The following DDX46 variants were observed in gnomAD, a reference collection of about 807,000 sequenced individuals.
DDX46 encodes DEAD-box helicase 46.
In DDX46, 30 loss-of-function variants were observed where a neutral mutation model predicts 134.9. The observed-to-expected ratio is 0.22, with a 90% confidence interval of 0.17 to 0.30. DDX46 has a LOEUF of 0.30. Ranked by LOEUF, DDX46 falls within the 10% of genes least tolerant of loss-of-function variation. DDX46 has a pLI of 1.00. For missense variants in DDX46, 622 were observed against 1,248.7 expected (o/e 0.50, Z 7.56); for synonymous variants, 415 against 404.1 (o/e 1.03, Z -0.32).
chr5:134,811,461 T>C (rs1039517857), intron 17 of DDX46, 103 bp downstream of exon 17: 39 of 1,442,456 alleles, frequency 2.7e-5, no homozygotes, highest in Non-Finnish European at 1.9e-6. Context: ...AAAATTTTGC[T>C]ACGACTATTT....
intron 20 of DDX46, 76 bp downstream of exon 20, chr5:134,817,790 C>T (rs1004619518): frequency 3.2e-6 from 4 of 1,256,432 alleles, no homozygotes; most frequent in Non-Finnish European, 4.4e-6. Context: ...ATCTTTAAAA[C>T]CCATGAACAT....
chr5:134,775,544 G>GGGATTACAGGTGTACACC (rs1185225128), intron 5 of DDX46, among the ~76,000 whole-genome samples: 2 of 151,992 alleles, frequency 1.3e-5, no homozygotes, highest in Admixed American at 1.3e-4. Context: ...CTGAGTAGCT[G>GGGATTACAGGTGTACACC]GGATTACAGG....
chr5:134,798,749 A>G (rs1372768660), intron 15 of DDX46, among the ~76,000 whole-genome samples: 1 of 151,940 alleles, frequency 6.6e-6, no homozygotes, highest in Non-Finnish European at 1.5e-5. Context: ...TCTTTTTGTG[A>G]CTGGTCTTTT....
At position 134,816,744 on chromosome 5, in the gene DDX46, A is replaced by AT. The variant is rs35855916; in HGVS notation, c.2613+144dup. The AT allele has an allele frequency of 7.4e-5, 63 of 850,926 alleles. No homozygotes were observed. In the South Asian group the frequency reaches 1.1e-3, roughly 15 times the overall value. 52.7% of individuals were successfully genotyped at this position (850,926 alleles called of 1,614,324 possible). The stretch of plus-strand genomic sequence containing the variant: ...GAGAATTTAACATTCTCAATACAGA[A>AT]TTTTTTGATAATTGCATTTGGATGA... On this transcript the variant is annotated intron_variant, in intron 19 of 22. Coordinates refer to ENST00000452510, the MANE Select transcript of DDX46 (RefSeq NM_001300860.2).
intron 15 of DDX46, chr5:134,804,931 T>G: frequency 2.9e-6 from 1 of 340,670 alleles, no homozygotes; most frequent in African/African-American, 2.1e-5. Context: ...GTTTTGGACA[T>G]TCACGTAACA....
intron 2 of DDX46, among the ~76,000 whole-genome samples, 183 bp downstream of exon 2, chr5:134,764,275 G>A (rs893277521): frequency 1.1e-4 from 15 of 141,468 alleles, no homozygotes; most frequent in African/African-American, 3.9e-4. Flanking sequence ...ATCAAACAGT[G>A]TTTTTTTTTT....
In DDX46 at chr5:134,817,621, G is replaced by A. The variant is rs146021738; in HGVS notation, c.2739G>A (p.Pro913=). Residue 913 remains proline, a synonymous_variant, in exon 20 of 23, where the codon CCG becomes CCA. Coordinates refer to ENST00000452510, the MANE Select transcript of DDX46 (RefSeq NM_001300860.2). The part of the protein sequence containing the change: ...EKINAKLNYV[P]LEKQEEERQD... Reference sequence around the variant, plus strand: ...TCAATGCCAAGCTCAATTATGTGCCGTTAGAGAAACAAGAAGAAGAGAGAC... The same window carrying A: ...TCAATGCCAAGCTCAATTATGTGCCATTAGAGAAACAAGAAGAAGAGAGAC... 777 of 1,614,104 alleles carry A rather than the reference G, an allele frequency of 4.8e-4. No individual in the cohort carries two copies. The highest frequency in any genetic ancestry group is 5.8e-4 in the Non-Finnish European group (688 of 1,180,024).
chr5:134,782,018 T>C lies in DDX46; in HGVS notation c.977T>C (p.Ile326Thr). The change falls in exon 8 of 23, where the codon ATT (isoleucine) becomes ACT (threonine). Residue 326 changes from isoleucine to threonine, a missense_variant. Coordinates refer to ENST00000452510, the MANE Select transcript of DDX46 (RefSeq NM_001300860.2). ...CTAGAACCAGTTGATCATGGAAAAA[T>C]TGAGTATGAGCCATTTAGGAAAAAC... ...KLLEPVDHGK[I>T]EYEPFRKNFY... 2 of 1,609,030 alleles carry C rather than the reference T, an allele frequency of 1.2e-6. No homozygotes were observed. Among genetic ancestry groups the C allele is most frequent in the South Asian group, 1.1e-5 (1 of 90,302 alleles).
In DDX46 at chr5:134,781,162, C is replaced by T; in HGVS notation, c.795C>T (p.Val265=). Reference sequence around the variant, plus strand: ...CTGGGCCAACGGTCACAAAAGTTGTCACTGTTGTGACAACCAAAAAAGCAG... The same window carrying T: ...CTGGGCCAACGGTCACAAAAGTTGTTACTGTTGTGACAACCAAAAAAGCAG... ...KKSGPTVTKV[V]TVVTTKKAVV... The change falls in exon 7 of 23, where the codon GTC becomes GTT. Residue 265 remains valine, a synonymous_variant. Transcript: ENST00000452510. 1.3e-6 allele frequency: 2 copies of T among 1,588,280 alleles called. No homozygotes were observed. Among genetic ancestry groups the T allele is most frequent in the South Asian group, 2.3e-5 (2 of 85,332 alleles).
At chr5:134,793,030 G>A (rs1271181100) in intron 13 of DDX46, among the ~76,000 whole-genome samples, 1 of 152,016 alleles carries the variant, frequency 6.6e-6, no homozygotes, top group Non-Finnish European at 1.5e-5. Context: ...GGGGGCATGC[G>A]CCTATCGTCC....
At chr5:134,811,613 C>A in intron 17 of DDX46, 83 bp from the exon 18 acceptor site, 1 of 1,432,514 alleles carries the variant, frequency 7.0e-7, no homozygotes, top group Admixed American at 2.4e-5. Flanking sequence ...ACATACACCA[C>A]CTTGAAAAAT....
In DDX46 at chr5:134,828,922, A is replaced by T; in HGVS notation, c.*216A>T. The T allele has an allele frequency of 2.8e-6, 1 of 353,372 alleles. No homozygotes were observed. The highest frequency in any genetic ancestry group is 5.1e-6 in the Non-Finnish European group (1 of 197,800). 21.9% of individuals were successfully genotyped at this position (353,372 alleles called of 1,614,324 possible). ...AAAGCCAGCCTGTTTTCAGAGTATG[A>T]TGTCCTTTAATGTAAACTCAAATAT... On this transcript the variant is annotated 3_prime_UTR_variant, in exon 23 of 23. Coordinates refer to ENST00000452510, the MANE Select transcript of DDX46 (RefSeq NM_001300860.2).
chr5:134,821,597 A>G (rs1030296048), intron 21 of DDX46, among the ~76,000 whole-genome samples: 2 of 148,530 alleles, frequency 1.3e-5, no homozygotes, highest in Non-Finnish European at 3.0e-5. Flanking sequence ...CAGCGGCGCA[A>G]TTTCGGCTCA....
At chr5:134,780,234 A>G (rs762733686) in intron 6 of DDX46, among the ~76,000 whole-genome samples, 116 of 150,382 alleles carry the variant, frequency 7.7e-4, no homozygotes, top group Non-Finnish European at 1.4e-3. Context: ...GTGTGCGTAT[A>G]TGTGTATATA....
chr5:134,809,399 G>A (rs953078794), intron 16 of DDX46, among the ~76,000 whole-genome samples: 1 of 151,994 alleles, frequency 6.6e-6, no homozygotes, highest in African/African-American at 2.4e-5. Context: ...ATGGAGTCTC[G>A]CTCTGTTGCC....
intron 16 of DDX46, among the ~76,000 whole-genome samples, chr5:134,810,016 GAAAC>G (rs569777275): frequency 2.6e-5 from 4 of 152,082 alleles, no homozygotes; most frequent in Non-Finnish European, 4.4e-5. Context: ...TCTTGTCTCA[GAAAC>G]AAACAAACAA....
chr5:134,824,927 T>G (rs1287396429), intron 21 of DDX46, among the ~76,000 whole-genome samples: 1 of 152,196 alleles, frequency 6.6e-6, no homozygotes, highest in Non-Finnish European at 1.5e-5. Flanking sequence ...CCTGTATAAT[T>G]TATATAGCCT....
chr5:134,766,066 A>G (rs1753558132), intron 2 of DDX46, among the ~76,000 whole-genome samples: 1 of 152,158 alleles, frequency 6.6e-6, no homozygotes, highest in South Asian at 2.1e-4. Context: ...TCATCATGTC[A>G]TTAGTTACCA....
At chr5:134,820,695 A>G (rs1400983705) in intron 21 of DDX46, among the ~76,000 whole-genome samples, 1 of 152,214 alleles carries the variant, frequency 6.6e-6, no homozygotes, top group African/African-American at 2.4e-5. Flanking sequence ...AAGTTTGTCC[A>G]TTTTAACCAT....
Sources: allele counts gnomAD v4.1 joint callset (sites outside exome capture counted in the v4.1 genomes callset), GRCh38; gene constraint gnomAD v4.1.1; transcripts MANE v1.5; gene names NCBI Gene and HGNC (gene_info 2026-07-23, HGNC 2026-07-21).